ASIC2: variants seen among roughly 807,000 people sequenced by gnomAD.
ASIC2 encodes the protein acid sensing ion channel subunit 2, also known as acid-sensing ion channel 2.
A neutral mutation model predicts 57.3 loss-of-function variants in ASIC2; 25 were observed. The ratio of observed to expected loss-of-function variants is 0.44; its 90% CI spans 0.32 to 0.61. ASIC2 has a LOEUF of 0.61. Among genes scored for constraint, ASIC2 ranks in the 20% least tolerant of loss-of-function variants. The pLI is 0.06. For missense variants in ASIC2, 641 were observed against 738.1 expected (o/e 0.87, Z 1.52); for synonymous variants, 319 against 307.5 (o/e 1.04, Z -0.39).
chr17:33,290,193 A>C (rs1905362745), intron 1 of ASIC2, among the ~76,000 whole-genome samples: 1 of 152,258 alleles, frequency 6.6e-6, no homozygotes, highest in South Asian at 2.1e-4. Context: ...CTAGACAAGG[A>C]ATAATCCAAT....
At chr17:33,937,822 A>G (rs1916101295) in intron 1 of ASIC2, among the ~76,000 whole-genome samples, 1 of 152,148 alleles carries the variant, frequency 6.6e-6, no homozygotes, top group African/African-American at 2.4e-5. Flanking sequence ...CTGCTTTTAG[A>G]AAATTTTTTT....
At chr17:33,891,841 C>T (rs1914966852) in intron 1 of ASIC2, among the ~76,000 whole-genome samples, 1 of 152,230 alleles carries the variant, frequency 6.6e-6, no homozygotes, top group African/African-American at 2.4e-5. Context: ...ACACATCCCA[C>T]AGCAAACAAA....
intron 1 of ASIC2, among the ~76,000 whole-genome samples, chr17:33,172,314 G>A (rs183882466): frequency 2.4e-4 from 37 of 152,288 alleles, no homozygotes; most frequent in Admixed American, 3.3e-4. Flanking sequence ...TATTTTCCAC[G>A]TATGGAGTGG....
chr17:33,855,804 A>G (rs1733956975), intron 1 of ASIC2, among the ~76,000 whole-genome samples: 1 of 152,194 alleles, frequency 6.6e-6, no homozygotes, highest in Non-Finnish European at 1.5e-5. Flanking sequence ...TCTCTTGGAC[A>G]TAACTCAGAA....
intron 1 of ASIC2, among the ~76,000 whole-genome samples, chr17:33,768,604 C>A (rs182990809): frequency 6.6e-6 from 1 of 152,300 alleles, no homozygotes; most frequent in South Asian, 2.1e-4. Context: ...CAGACAGGGG[C>A]AGGTCCCCAG....
chr17:33,657,241 G>A (rs927511223), intron 1 of ASIC2, among the ~76,000 whole-genome samples: 3 of 152,158 alleles, frequency 2.0e-5, no homozygotes, highest in Non-Finnish European at 1.5e-5. Context: ...CCCCCATCCT[G>A]GGCTGTGGTG....
intron 1 of ASIC2, among the ~76,000 whole-genome samples, chr17:33,200,735 G>A (rs1225308381): frequency 1.3e-5 from 2 of 152,082 alleles, no homozygotes; most frequent in East Asian, 3.9e-4. Context: ...TTCCACCCTT[G>A]CCCCCTGCAG....
rs559282235 is a variant in ASIC2, at chr17:33,659,028, T to A, written c.555+496950A>T. The stretch of plus-strand genomic sequence containing the variant: ...CAAAAATAAAAATAAAATAATTTTT[T>A]AAAAAAGCCCTACCTCTTAATCCCA... On this transcript the variant is annotated intron_variant, in intron 1 of 9. Transcript: ENST00000359872. Among the ~76,000 whole-genome samples the A allele has an allele frequency of 9.2e-5, 14 of 152,146 alleles. 3 individuals are homozygous for A. The highest frequency in any genetic ancestry group is 2.7e-4 in the African/African-American group (11 of 41,494).
At chr17:33,391,931 T>C (rs1479936183) in intron 1 of ASIC2, among the ~76,000 whole-genome samples, 2 of 152,208 alleles carry the variant, frequency 1.3e-5, no homozygotes, top group South Asian at 2.1e-4. Context: ...GGATATCCTA[T>C]AACTTACAAC....
At chr17:33,290,049 G>C (rs1905357278) in intron 1 of ASIC2, among the ~76,000 whole-genome samples, 1 of 152,184 alleles carries the variant, frequency 6.6e-6, no homozygotes, top group Non-Finnish European at 1.5e-5. Context: ...GGAGCCATCA[G>C]GTAGATATTC....
intron 1 of ASIC2, among the ~76,000 whole-genome samples, chr17:33,415,931 T>C (rs893023359): frequency 2.6e-5 from 4 of 152,284 alleles, no homozygotes; most frequent in East Asian, 1.9e-4. Context: ...GGCAGTGGCA[T>C]TGAGCTGCAT....
intron 1 of ASIC2, among the ~76,000 whole-genome samples, chr17:33,335,852 G>A (rs1170777786): frequency 6.6e-6 from 1 of 152,180 alleles, no homozygotes; most frequent in Non-Finnish European, 1.5e-5. Flanking sequence ...TACACTCCAG[G>A]AGCCCAGAGT....
At chr17:33,742,433 G>T (rs761536439) in intron 1 of ASIC2, among the ~76,000 whole-genome samples, 2 of 152,152 alleles carry the variant, frequency 1.3e-5, no homozygotes, top group African/African-American at 2.4e-5. Flanking sequence ...AAAGCACTGT[G>T]TTCGCTCTTG....
intron 1 of ASIC2, among the ~76,000 whole-genome samples, chr17:33,363,178 C>T (rs1164679391): frequency 6.6e-6 from 1 of 152,112 alleles, no homozygotes; most frequent in Non-Finnish European, 1.5e-5. Context: ...TTTTACATTT[C>T]AAAAGACTGC....
chr17:33,496,549 C>T (rs1425442998), intron 1 of ASIC2, among the ~76,000 whole-genome samples: 1 of 149,426 alleles, frequency 6.7e-6, no homozygotes, highest in South Asian at 2.1e-4. Flanking sequence ...GAGCAGCTTC[C>T]AGTACATGGC....
At chr17:33,611,369 G>A (rs1905405152) in intron 1 of ASIC2, among the ~76,000 whole-genome samples, 1 of 152,218 alleles carries the variant, frequency 6.6e-6, no homozygotes. Context: ...TCATCTGTAA[G>A]ATGGCCTTCA....
At chr17:34,113,642 C>T (rs889551974) in intron 1 of ASIC2, among the ~76,000 whole-genome samples, 1 of 151,352 alleles carries the variant, frequency 6.6e-6, no homozygotes, top group African/African-American at 2.4e-5. Context: ...CTTTAGGCGG[C>T]CAAGGCAGGA....
At chr17:33,695,839 C>T (rs1454194816) in intron 1 of ASIC2, among the ~76,000 whole-genome samples, 2 of 152,218 alleles carry the variant, frequency 1.3e-5, no homozygotes, top group Admixed American at 6.5e-5. Context: ...ATAATACATA[C>T]ACACATATGA....
In ASIC2 at chr17:33,027,349, G is replaced by A. The variant is rs557212210; in HGVS notation, c.1138+893C>T. On this transcript the variant is annotated intron_variant, in intron 4 of 9. Transcript: ENST00000225823. Reference sequence around the variant, plus strand: ...CAATTGGTAATGAACCAAATGTCCAGTATAAGGATTTAGTTAAGTAAAATT... The same window carrying A: ...CAATTGGTAATGAACCAAATGTCCAATATAAGGATTTAGTTAAGTAAAATT... 7.9e-5 allele frequency among the ~76,000 whole-genome samples: 12 copies of A among 152,244 alleles called. No individual in the cohort carries two copies. In the South Asian group the frequency reaches 2.5e-3, roughly 32 times the overall value.
Sources: allele counts gnomAD v4.1 joint callset (sites outside exome capture counted in the v4.1 genomes callset), GRCh38; gene constraint gnomAD v4.1.1; transcripts MANE v1.5; gene names NCBI Gene and HGNC (gene_info 2026-07-23, HGNC 2026-07-21).